The following PDE3B variants were observed in gnomAD, a reference collection of about 807,000 sequenced individuals.
The protein encoded by PDE3B is phosphodiesterase 3B, also known as cGMP-inhibited 3',5'-cyclic phosphodiesterase 3B.
In PDE3B, 66 loss-of-function variants were observed where a neutral mutation model predicts 116.8. The ratio of observed to expected loss-of-function variants is 0.56; its 90% confidence interval spans 0.46 to 0.69. PDE3B has a LOEUF of 0.69. Ranked by LOEUF, PDE3B falls within the 30% of genes least tolerant of loss-of-function variation. The probability of loss-of-function intolerance (pLI) is 0.00; values close to 1 mark genes in which losing one functional copy is unlikely to be tolerated. For synonymous variants in PDE3B, 595 were observed against 533.6 expected (o/e 1.12, Z -1.59); for missense variants, 1,384 against 1,368.1 (o/e 1.01, Z -0.18).
At chr11:14,772,181 A>G (rs1857664730) in intron 2 of PDE3B, 194 bp downstream of exon 2, 2 of 302,450 alleles carry the variant, frequency 6.6e-6, no homozygotes, top group Non-Finnish European at 1.2e-5. Context: ...TTTAATTATA[A>G]GGGAAAAAGA....
At chr11:14,663,889 T>G (rs1446453516) in intron 1 of PDE3B, among the ~76,000 whole-genome samples, 1 of 152,144 alleles carries the variant, frequency 6.6e-6, no homozygotes, top group Admixed American at 6.5e-5. Flanking sequence ...TACCCAGGAA[T>G]TGAACTCATC....
intron 1 of PDE3B, among the ~76,000 whole-genome samples, chr11:14,657,322 A>G (rs1853742120): frequency 6.6e-6 from 1 of 152,200 alleles, no homozygotes; most frequent in Admixed American, 6.5e-5. Context: ...GAAAGAAGAG[A>G]AACTGTATGT....
At chr11:14,685,814 C>T (rs1488176974) in intron 1 of PDE3B, among the ~76,000 whole-genome samples, 1 of 152,128 alleles carries the variant, frequency 6.6e-6, no homozygotes, top group Non-Finnish European at 1.5e-5. Context: ...TCACAGTAAG[C>T]ATACTGAAGT....
At chr11:14,787,607 G>C (rs1450060042) in intron 3 of PDE3B, among the ~76,000 whole-genome samples, 2 of 151,894 alleles carry the variant, frequency 1.3e-5, no homozygotes, top group African/African-American at 4.8e-5. Context: ...AAGGATTTCA[G>C]AAGTATTGAT....
At chr11:14,778,281 CT>C (rs1646677298) in intron 2 of PDE3B, among the ~76,000 whole-genome samples, 1 of 152,192 alleles carries the variant, frequency 6.6e-6, no homozygotes, top group Non-Finnish European at 1.5e-5. Flanking sequence ...CTTCTGCAGA[CT>C]TAAATGTCCC....
chr11:14,816,277 C>T (rs1257286463), intron 5 of PDE3B, among the ~76,000 whole-genome samples: 2 of 152,202 alleles, frequency 1.3e-5, no homozygotes, highest in African/African-American at 4.8e-5. Context: ...AACATCTATA[C>T]TAGTGTTTGA....
chr11:14,891,603 A>C, the PDE3B span: 1 of 1,062,488 alleles, frequency 9.4e-7, no homozygotes, highest in African/African-American at 1.7e-5. Context: ...CAGAGCTGCG[A>C]GGCCGACTCG....
chr11:14,839,736 C>G (rs756173697), intron 11 of PDE3B, among the ~76,000 whole-genome samples: 2 of 152,168 alleles, frequency 1.3e-5, no homozygotes, highest in Non-Finnish European at 2.9e-5. Flanking sequence ...CTGTTATAAT[C>G]TAGTCTGTTC....
intron 4 of PDE3B, 79 bp downstream of exon 4, chr11:14,789,321 C>G: frequency 1.8e-6 from 2 of 1,113,046 alleles, no homozygotes; most frequent in African/African-American, 1.6e-5. Flanking sequence ...TCAAATAGTT[C>G]TGGAAGCAGA....
At chr11:14,757,188 A>C (rs866426399) in intron 1 of PDE3B, among the ~76,000 whole-genome samples, 45 of 151,700 alleles carry the variant, frequency 3.0e-4, no homozygotes, top group South Asian at 8.4e-4. Flanking sequence ...ACATTTTCTT[A>C]ATCCAGTCTA....
chr11:14,789,241 A>C lies in PDE3B; in HGVS notation c.1414A>C (p.Ser472Arg), dbSNP rs776178880. The change falls in exon 4 of 16, where the codon AGT becomes CGT. Residue 472 changes from serine (S) to arginine (R), a missense_variant and splice_region_variant. By Grantham distance (110) the Ser-to-Arg change is moderately radical. Transcript: ENST00000282096. ...KRPHQEFGIS[S>R]QGCYLNGPFN... ...ACCTCACCAAGAATTTGGCATTTCA[A>C]GGTAAAATCTGCAGAGCCTTTTAAG... is the stretch of plus-strand genomic sequence containing the variant. The C allele has an allele frequency of 6.2e-7, 1 of 1,602,394 alleles. No individual in the cohort carries two copies. The highest frequency in any genetic ancestry group is 1.1e-5 in the South Asian group (1 of 88,988).
intron 14 of PDE3B, among the ~76,000 whole-genome samples, chr11:14,863,068 A>G (rs1181967516): frequency 6.6e-6 from 1 of 150,654 alleles, no homozygotes; most frequent in African/African-American, 2.5e-5. Context: ...CCCATGTGTG[A>G]TATTCCCCTC....
chr11:14,844,536 T>A (rs577244687), intron 12 of PDE3B, among the ~76,000 whole-genome samples: 1 of 152,200 alleles, frequency 6.6e-6, no homozygotes, highest in Non-Finnish European at 1.5e-5. Flanking sequence ...GGCGAGGCAT[T>A]GCCTCACTCG....
chr11:14,838,305 A>T (rs1253277734), intron 11 of PDE3B, among the ~76,000 whole-genome samples: 1 of 152,150 alleles, frequency 6.6e-6, no homozygotes, highest in East Asian at 1.9e-4. Context: ...TTATAGTAAT[A>T]GGATCATAAC....
At chr11:14,722,202 C>T (rs966199892) in intron 1 of PDE3B, among the ~76,000 whole-genome samples, 1 of 151,168 alleles carries the variant, frequency 6.6e-6, no homozygotes, top group Non-Finnish European at 1.5e-5. Context: ...GGAGATATGC[C>T]TAATGTTAAA....
chr11:14,758,672 T>C (rs1857266170), intron 1 of PDE3B, among the ~76,000 whole-genome samples: 1 of 149,384 alleles, frequency 6.7e-6, no homozygotes, highest in African/African-American at 2.5e-5. Context: ...GAGACTTTGC[T>C]GAAGTTGCTT....
intron 1 of PDE3B, among the ~76,000 whole-genome samples, chr11:14,688,194 T>A (rs566848390): frequency 1.2e-4 from 17 of 143,320 alleles, no homozygotes; most frequent in African/African-American, 4.3e-4. Context: ...CCTCTCCCTC[T>A]TCTCTCTCTC....
At chr11:14,712,871 A>C (rs548497012) in intron 1 of PDE3B, among the ~76,000 whole-genome samples, 1 of 152,330 alleles carries the variant, frequency 6.6e-6, no homozygotes, top group Admixed American at 6.5e-5. Flanking sequence ...AAATCCTCCT[A>C]CTGATGTCAG....
intron 1 of PDE3B, among the ~76,000 whole-genome samples, chr11:14,763,625 G>A (rs958445272): frequency 6.6e-6 from 1 of 152,120 alleles, no homozygotes; most frequent in African/African-American, 2.4e-5. Context: ...AGGTAGGGAA[G>A]AGGGAATCGA....
Sources: allele counts gnomAD v4.1 joint callset (sites outside exome capture counted in the v4.1 genomes callset), GRCh38; gene constraint gnomAD v4.1.1; transcripts MANE v1.5; gene names NCBI Gene and HGNC (gene_info 2026-07-23, HGNC 2026-07-21).